Variants in CCDC3 observed in about 807,000 individuals in gnomAD.
CCDC3 encodes coiled-coil domain-containing protein 3.
Under a neutral mutation model 21.4 loss-of-function variants are expected in CCDC3, and 24 were observed. The ratio of observed to expected loss-of-function variants is 1.12; its 90% CI spans 0.81 to 1.58. CCDC3 has a LOEUF of 1.58. CCDC3 is among the 40% of genes most tolerant of loss of function. The pLI, the probability that CCDC3 is intolerant of heterozygous loss-of-function variation, is 0.00. For synonymous variants in CCDC3, 186 were observed against 166.0 expected (o/e 1.12, Z -0.93); for missense variants, 425 against 360.9 (o/e 1.18, Z -1.44).
intron 4 of CCDC3, among the ~76,000 whole-genome samples, chr10:13,067,945 G>T (rs1836841810): frequency 6.6e-6 from 1 of 152,008 alleles, no homozygotes; most frequent in Non-Finnish European, 1.5e-5. Context: ...TGTTTTCTTG[G>T]ATCTCTTTGC....
chr10:12,980,389 C>T (rs1173222309), intron 2 of CCDC3, among the ~76,000 whole-genome samples: 3 of 152,180 alleles, frequency 2.0e-5, no homozygotes, highest in East Asian at 3.9e-4. Context: ...CCAAGATTCA[C>T]AGGCTGCGCT....
At chr10:13,026,898 G>T (rs925390402) in intron 5 of CCDC3, among the ~76,000 whole-genome samples, 4 of 152,152 alleles carry the variant, frequency 2.6e-5, no homozygotes, top group African/African-American at 7.2e-5. Context: ...GCCCCCGAGG[G>T]TGTTGTTACC....
intron 2 of CCDC3, among the ~76,000 whole-genome samples, chr10:12,909,826 A>ATGGGGTACTTTTCAGGGTC (rs1834238143): frequency 6.6e-6 from 1 of 152,124 alleles, no homozygotes; most frequent in South Asian, 2.1e-4. Flanking sequence ...GCTGGTTTCC[A>ATGGGGTACTTTTCAGGGTC]TGGGGTACTT....
intron 2 of CCDC3, among the ~76,000 whole-genome samples, chr10:12,900,322 C>T (rs1834072659): frequency 6.6e-6 from 1 of 152,006 alleles, no homozygotes; most frequent in Admixed American, 6.6e-5. Flanking sequence ...CATTTTACCT[C>T]ATCAGAAGCT....
chr10:13,020,764 C>T (rs951210092), intron 5 of CCDC3, among the ~76,000 whole-genome samples: 14 of 151,926 alleles, frequency 9.2e-5, no homozygotes, highest in Admixed American at 2.0e-4. Context: ...ACAGTGATAA[C>T]GTAGGGAGGA....
intron 3 of CCDC3, among the ~76,000 whole-genome samples, chr10:13,096,266 C>G (rs1160465694): frequency 6.6e-6 from 1 of 152,008 alleles, no homozygotes; most frequent in Non-Finnish European, 1.5e-5. Context: ...TCAGCGCAAC[C>G]TTTGACTCCC....
At chr10:13,010,643 A>G (rs375586312) in intron 5 of CCDC3, among the ~76,000 whole-genome samples, 1 of 152,228 alleles carries the variant, frequency 6.6e-6, no homozygotes, top group East Asian at 1.9e-4. Flanking sequence ...TATCCCATAT[A>G]AAGACTCGTA....
chr10:13,070,689 T>A (rs1836871448), intron 4 of CCDC3, among the ~76,000 whole-genome samples: 1 of 152,178 alleles, frequency 6.6e-6, no homozygotes, highest in Non-Finnish European at 1.5e-5. Flanking sequence ...TATTTGAGAT[T>A]CTCTGTGGAA....
intron 2 of CCDC3, among the ~76,000 whole-genome samples, chr10:12,927,930 T>C (rs1395969175): frequency 6.6e-6 from 1 of 152,234 alleles, no homozygotes; most frequent in African/African-American, 2.4e-5. Flanking sequence ...GGAATTGCAA[T>C]GGAGAAAGGA....
At chr10:12,997,905 G>A (rs1015892829) in intron 2 of CCDC3, among the ~76,000 whole-genome samples, 5 of 152,116 alleles carry the variant, frequency 3.3e-5, no homozygotes, top group Non-Finnish European at 7.4e-5. Flanking sequence ...TAACACTAAC[G>A]ATAGCTGATA....
intron 4 of CCDC3, among the ~76,000 whole-genome samples, chr10:13,061,070 A>G (rs1034816435): frequency 2.0e-5 from 3 of 152,214 alleles, no homozygotes; most frequent in Non-Finnish European, 4.4e-5. Flanking sequence ...CAGTTTCTAA[A>G]TCTGTAAAAC....
chr10:13,080,972 G>A (rs1350003538), intron 3 of CCDC3, among the ~76,000 whole-genome samples: 1 of 152,244 alleles, frequency 6.6e-6, no homozygotes, highest in East Asian at 1.9e-4. Context: ...TCGAGAGAGG[G>A]GCAGGGCCAC....
chr10:13,085,245 GCA>G, intron 3 of CCDC3, among the ~76,000 whole-genome samples: 1 of 152,250 alleles, frequency 6.6e-6, no homozygotes, highest in South Asian at 2.1e-4. Flanking sequence ...TGTTGTGTGC[GCA>G]CCCCAGAAAC....
intron 3 of CCDC3, among the ~76,000 whole-genome samples, chr10:13,088,623 C>A (rs1280441402): frequency 1.2e-4 from 19 of 152,210 alleles, no homozygotes; most frequent in Non-Finnish European, 2.4e-4. Context: ...CAGGCTGCCG[C>A]TCACCTGCCT....
At chr10:13,094,921 C>A (rs1465125511) in intron 3 of CCDC3, among the ~76,000 whole-genome samples, 2 of 152,032 alleles carry the variant, frequency 1.3e-5, no homozygotes, top group African/African-American at 4.8e-5. Context: ...ACAGCACACA[C>A]ACCGTGAACA....
rs540463875 is a variant in CCDC3 at position 12,982,548 on chromosome 10, C to G, written c.549+15790G>C. ...GTGGCTCACACCAGTAATCCCAACA[C>G]TTTGGGAGGCCGAGGTGGGTGGATC... On this transcript the variant is annotated intron_variant, in intron 2 of 2. Transcript: ENST00000378825. Among the ~76,000 whole-genome samples, 1,351 of 151,932 alleles carry G rather than the reference C, an allele frequency of 8.9e-3. 14 individuals are homozygous for G. Among genetic ancestry groups the G allele is most frequent in the African/African-American group, 0.031 (1,265 of 41,428 alleles).
intron 2 of CCDC3, among the ~76,000 whole-genome samples, chr10:12,996,655 G>A (rs1023293470): frequency 3.1e-4 from 47 of 152,108 alleles, no homozygotes; most frequent in African/African-American, 1.0e-3. Flanking sequence ...TTAGTTGGAC[G>A]TACCAGCCCT....
At chr10:12,981,924 A>G (rs1835503269) in intron 2 of CCDC3, among the ~76,000 whole-genome samples, 1 of 151,882 alleles carries the variant, frequency 6.6e-6, no homozygotes, top group African/African-American at 2.4e-5. Flanking sequence ...AGAAATCAAG[A>G]CCATCCTGGC....
chr10:13,094,480 C>G (rs1336556838), intron 3 of CCDC3, among the ~76,000 whole-genome samples: 2 of 151,850 alleles, frequency 1.3e-5, no homozygotes, highest in Non-Finnish European at 2.9e-5. Flanking sequence ...TGGTCTTGAT[C>G]TCTTGACCTC....
Sources: gnomAD v4.1 joint callset for allele counts (sites outside exome capture counted in the v4.1 genomes callset) on GRCh38, gnomAD v4.1.1 for gene constraint, MANE v1.5 for transcripts, NCBI Gene and HGNC (gene_info 2026-07-23, HGNC 2026-07-21) for gene names.